Variants in SLC7A8 observed in about 807,000 individuals in gnomAD.
SLC7A8 encodes the protein solute carrier family 7 member 8.
SLC7A8 carries 30 observed loss-of-function variants against 51.2 expected under a neutral mutation model. The ratio of observed to expected loss-of-function variants is 0.59; its 90% CI spans 0.44 to 0.80. The LOEUF is 0.80. SLC7A8 is among the 30% of genes least tolerant of loss of function. SLC7A8 has a pLI of 0.00. For missense variants in SLC7A8, 612 were observed against 674.4 expected (o/e 0.91, Z 1.03); for synonymous variants, 257 against 275.8 (o/e 0.93, Z 0.67).
rs558459953 is a variant in SLC7A8 at position 23,171,226 on chromosome 14, C to T, written c.152-4686G>A. On this transcript the variant is annotated intron_variant, in intron 1 of 10. Coordinates refer to ENST00000316902, the MANE Select transcript of SLC7A8 (RefSeq NM_012244.4). ...AACTAATAAAGTAATCATCTTATCA[C>T]GCAGATCTTCTTTAGTGAAGAATGA... Among the ~76,000 whole-genome samples the T allele has an allele frequency of 7.2e-5, 11 of 152,276 alleles. No homozygotes were observed. In the South Asian group the frequency reaches 1.7e-3, roughly 23 times the overall value.
chr14:23,139,864 G>T (rs2048726580), intron 5 of SLC7A8, among the ~76,000 whole-genome samples: 1 of 152,066 alleles, frequency 6.6e-6, no homozygotes, highest in Admixed American at 6.6e-5. Flanking sequence ...AAAATTAACT[G>T]GGCATGGTGG....
rs991830623 is a variant in SLC7A8 at position 23,154,451 on chromosome 14, G to A, written c.508+10834C>T. On this transcript the variant is annotated intron_variant, in intron 3 of 10. Transcript: ENST00000316902. The stretch of plus-strand genomic sequence containing the variant: ...CCTGTGGGGGCGTGGGTGTGGCTAC[G>A]CTCGGCTCTGTGATTGGCTGCACCG... The A allele has an allele frequency of 1.4e-5, 14 of 987,416 alleles. No individual in the cohort carries two copies. In the African/African-American group the frequency reaches 2.4e-4, roughly 17 times the overall value. The allele number at this position is 987,416 out of a possible 1,614,324, so 61.2% of individuals were successfully genotyped here. A position where few individuals can be genotyped will look rare whatever the true frequency, so the allele number is the denominator to read the frequency against.
At chr14:23,141,035 C>T (rs544643395) in intron 4 of SLC7A8, among the ~76,000 whole-genome samples, 32 of 152,312 alleles carry the variant, frequency 2.1e-4, no homozygotes, top group African/African-American at 6.5e-4. Context: ...GTAATCCAAA[C>T]AATCTGGGAG....
chr14:23,167,491 T>C (rs1331657960), intron 1 of SLC7A8, among the ~76,000 whole-genome samples: 1 of 152,036 alleles, frequency 6.6e-6, no homozygotes, highest in Non-Finnish European at 1.5e-5. Flanking sequence ...CTTCTGCTTG[T>C]GTGCAGGGGC....
intron 7 of SLC7A8, among the ~76,000 whole-genome samples, chr14:23,137,404 C>T (rs1455291892): frequency 6.6e-6 from 1 of 152,192 alleles, no homozygotes; most frequent in Admixed American, 6.5e-5. Context: ...CAGGGAGGAG[C>T]TCTGCATTCT....
intron 8 of SLC7A8, among the ~76,000 whole-genome samples, chr14:23,130,540 A>G (rs547935872): frequency 1.3e-5 from 2 of 152,324 alleles, no homozygotes; most frequent in South Asian, 4.1e-4. Context: ...TTCTTGCTAC[A>G]TCTGCCTTTT....
Position 23,139,376 on chromosome 14 carries a change from T to A in SLC7A8, c.912+48A>T, listed in dbSNP as rs772872974. The A allele has an allele frequency of 6.2e-6, 10 of 1,612,252 alleles. No homozygotes were observed. In the African/African-American group the frequency reaches 1.2e-4, roughly 19 times the overall value. On this transcript the variant is annotated intron_variant, in intron 6 of 10. Transcript: ENST00000316902. ...AGTGAGTGGGGCTACAGCAGGCAAGTCTATGTCTGCATTCCTGGTATGAGA... is the reference window on the plus strand; with the variant it reads ...AGTGAGTGGGGCTACAGCAGGCAAGACTATGTCTGCATTCCTGGTATGAGA...
chr14:23,146,804 C>T (rs764496901), intron 3 of SLC7A8: 3 of 152,082 alleles, frequency 2.0e-5, no homozygotes, highest in Non-Finnish European at 4.4e-5. Context: ...TCTCCTGGTA[C>T]CACAAGACAG....
chr14:23,176,006 T>C (rs2048997347), intron 1 of SLC7A8, among the ~76,000 whole-genome samples: 1 of 152,236 alleles, frequency 6.6e-6, no homozygotes. Flanking sequence ...AGGGTTTTAA[T>C]CACATTTTCA....
chr14:23,166,680 C>G (rs2048952076), intron 1 of SLC7A8, 140 bp from the exon 2 acceptor site: 1 of 832,044 alleles, frequency 1.2e-6, no homozygotes, highest in African/African-American at 1.7e-5. Context: ...GGCAGGTGTG[C>G]CTAGCAATAA....
intron 3 of SLC7A8, among the ~76,000 whole-genome samples, chr14:23,162,701 G>A (rs1315197276): frequency 6.6e-6 from 1 of 152,136 alleles, no homozygotes; most frequent in Admixed American, 6.5e-5. Flanking sequence ...AGGAGAGTTT[G>A]GACCTTTCTG....
At chr14:23,153,887 G>T (rs2048868687) in intron 3 of SLC7A8, among the ~76,000 whole-genome samples, 1 of 152,110 alleles carries the variant, frequency 6.6e-6, no homozygotes, top group African/African-American at 2.4e-5. Context: ...ACAGGCAGTA[G>T]AAAGGGGGAA....
intron 3 of SLC7A8, among the ~76,000 whole-genome samples, chr14:23,148,385 C>T (rs1291160666): frequency 1.3e-5 from 2 of 152,114 alleles, no homozygotes; most frequent in African/African-American, 2.4e-5. Flanking sequence ...TCCGCCACCA[C>T]GCCTGGCTAA....
rs1446288915 is a variant in SLC7A8 at position 23,126,429 on chromosome 14, GC to G, written c.*747del. The G allele has an allele frequency of 3.3e-5, 5 of 153,042 alleles. No individual in the cohort carries two copies. The highest frequency in any genetic ancestry group is 5.9e-5 in the Non-Finnish European group (4 of 68,182). 9.5% of individuals were successfully genotyped at this position (153,042 alleles called of 1,614,324 possible). A position where few individuals can be genotyped will look rare whatever the true frequency, so the allele number is the denominator to read the frequency against. ...ATGCCCACTACCTTAAAAATCAGAA[GC>G]TTTTTGGCTTCTGGAAGCTTTGGCA... On this transcript the variant is annotated 3_prime_UTR_variant, in exon 11 of 11. Transcript: ENST00000316902.
intron 9 of SLC7A8, chr14:23,129,448 T>A (rs2048610924): frequency 3.6e-6 from 2 of 560,400 alleles, no homozygotes; most frequent in African/African-American, 1.9e-5. Flanking sequence ...ATTCCCCAGC[T>A]GCAGTCTGCT....
chr14:23,154,558 GTCC>G (rs1031138261), intron 3 of SLC7A8: 2 of 849,044 alleles, frequency 2.4e-6, no homozygotes, highest in African/African-American at 1.8e-5. Context: ...GGCTTGGCCT[GTCC>G]AACCGCAGGC....
intron 7 of SLC7A8, among the ~76,000 whole-genome samples, chr14:23,134,372 G>C (rs1333347848): frequency 1.4e-5 from 2 of 140,794 alleles, no homozygotes; most frequent in African/African-American, 5.3e-5. Flanking sequence ...GGGAGGTTGA[G>C]GCTGCAGTGA....
chr14:23,130,797 A>G (rs1320479073), intron 8 of SLC7A8, among the ~76,000 whole-genome samples: 1 of 152,186 alleles, frequency 6.6e-6, no homozygotes, highest in Non-Finnish European at 1.5e-5. Context: ...AGTCATTTTT[A>G]GTGTTTTATT....
intron 1 of SLC7A8, among the ~76,000 whole-genome samples, chr14:23,168,372 C>T (rs1391930410): frequency 6.6e-6 from 1 of 152,274 alleles, no homozygotes; most frequent in East Asian, 1.9e-4. Context: ...TCTTCCCCTG[C>T]CAAACTGCTG....
Sources: gnomAD v4.1 joint callset for allele counts (sites outside exome capture counted in the v4.1 genomes callset) on GRCh38, gnomAD v4.1.1 for gene constraint, MANE v1.5 for transcripts, NCBI Gene and HGNC (gene_info 2026-07-23, HGNC 2026-07-21) for gene names.